The following HIC1 variants were observed in gnomAD, a reference collection of about 807,000 sequenced individuals.
HIC1 encodes HIC ZBTB transcriptional repressor 1, also known as hypermethylated in cancer 1 protein.
HIC1 carries 9 observed loss-of-function variants against 26.4 expected under a neutral mutation model. That is an observed-to-expected ratio of 0.34 (90% confidence interval 0.21 to 0.59). The LOEUF is 0.59. Ranked by LOEUF, HIC1 falls within the 20% of genes least tolerant of loss-of-function variation. HIC1 has a pLI of 0.82. For missense variants in HIC1, 965 were observed against 1,075.7 expected, an observed-to-expected ratio of 0.90 and a Z score of 1.44; for synonymous variants, 631 against 523.1, an observed-to-expected ratio of 1.21 and a Z score of -2.81.
In HIC1 at chr17:2,059,128, G is replaced by A; in HGVS notation, c.*293G>A. ...CTCCCGCCTCTTCCTGTGGTTCGTC[G>A]GCCCCCTCCCCCGGCTCCGCGCTGC... On this transcript the variant is annotated 3_prime_UTR_variant, in exon 2 of 2. Transcript: ENST00000619757. The A allele has an allele frequency of 2.9e-6, 1 of 345,412 alleles. No homozygotes were observed. 21.4% of individuals were successfully genotyped at this position (345,412 alleles called of 1,614,324 possible).
Position 2,056,909 on chromosome 17 carries a change from C to T in HIC1, c.219C>T (p.Ala73=). 2 of 1,612,642 alleles carry T rather than the reference C, an allele frequency of 1.2e-6. No individual in the cohort carries two copies. The highest frequency in any genetic ancestry group is 1.1e-5 in the South Asian group (1 of 91,038). ...TGGACCATGACATGGTGAGCCCGGC[C>T]GTGTTCCGCCTGGTGCTGGACTTCA... is the stretch of plus-strand genomic sequence containing the variant. ...LNLDHDMVSP[A]VFRLVLDFIY... The change falls in exon 2 of 2, where the codon GCC becomes GCT. Residue 73 remains alanine (A), a synonymous_variant. Coordinates refer to ENST00000619757, the MANE Select transcript of HIC1 (RefSeq NM_006497.4).
intron 1 of HIC1, chr17:2,056,105 G>A (rs540294654): frequency 2.1e-5 from 5 of 242,406 alleles, no homozygotes; most frequent in African/African-American, 4.7e-5. Flanking sequence ...TGCCCGCCAC[G>A]GCAGCCGCTG....
In HIC1 at chr17:2,057,868, C is replaced by T. The variant is rs765947575; in HGVS notation, c.1178C>T (p.Pro393Leu). Residue 393 changes from proline (P) to leucine (L), a missense_variant, in exon 2 of 2, where the codon CCT becomes CTT. Physicochemically the swap from Pro to Leu is moderately conservative, Grantham distance 98. This residue lies in a region of HIC1 where 526 missense variants were observed against 525.0 expected (regional missense o/e 1.00). Transcript: ENST00000619757. Reference sequence around the variant, plus strand: ...GGTAGCAGCGAGGACCCCAGCCCGCCTGGCGGCCACCTCGAGGGCTACCCA... The same window carrying T: ...GGTAGCAGCGAGGACCCCAGCCCGCTTGGCGGCCACCTCGAGGGCTACCCA... ...ETGSSEDPSP[P>L]GGHLEGYPCP... 1.3e-6 allele frequency: 2 copies of T among 1,595,320 alleles called. No individual in the cohort carries two copies. The highest frequency in any genetic ancestry group is 1.1e-5 in the South Asian group (1 of 88,834).
Position 2,058,586 on chromosome 17 carries a change from T to C in HIC1, c.1896T>C (p.Ala632=). The C allele has an allele frequency of 6.4e-7, 1 of 1,556,866 alleles. No homozygotes were observed. The highest frequency in any genetic ancestry group is 1.9e-5 in the Admixed American group (1 of 52,382). ...TCGACTTCCCCGAGGGCGTCTTTGC[T>C]GTGGCTCGCCTCACGGCCGAGCAGC... ...GKLDFPEGVF[A]VARLTAEQLS... Residue 632 remains alanine, a synonymous_variant, in exon 2 of 2, where the codon GCT becomes GCC. Coordinates refer to ENST00000619757, the MANE Select transcript of HIC1 (RefSeq NM_006497.4).
In HIC1 at chr17:2,061,495, G is replaced by C; in HGVS notation, c.*2660G>C. 1 of 1,567,410 alleles carries C rather than the reference G, an allele frequency of 6.4e-7. No individual in the cohort carries two copies. Among genetic ancestry groups the C allele is most frequent in the South Asian group, 1.2e-5 (1 of 85,970 alleles). On this transcript the variant is annotated 3_prime_UTR_variant, in exon 2 of 2. Coordinates refer to ENST00000619757, the MANE Select transcript of HIC1 (RefSeq NM_006497.4). The stretch of plus-strand genomic sequence containing the variant: ...GGGGGGCCCCAGTGTGGCTCCCTCA[G>C]CCCACCTGGGCCCACGTGAGGAAGG...
Position 2,056,005 on chromosome 17 carries a change from G to A in HIC1, c.-20-666G>A, listed in dbSNP as rs867945747. ...GCCCCCTCCCTCCCCTGGGAGCTGC[G>A]TGGCTCCCCCCTCCCCCCCACCTGC... On this transcript the variant is annotated intron_variant, in intron 1 of 1. Coordinates refer to ENST00000619757, the MANE Select transcript of HIC1 (RefSeq NM_006497.4). Among the ~76,000 whole-genome samples, 50 of 134,570 alleles carry A rather than the reference G, an allele frequency of 3.7e-4. 1 individual carries two copies. In the Middle Eastern group the frequency reaches 0.016, roughly 42 times the overall value. 88.3% of individuals were successfully genotyped at this position (134,570 alleles called of 152,430 possible). A position where few individuals can be genotyped will look rare whatever the true frequency, so the allele number is the denominator to read the frequency against.
rs1438998399 is a variant in HIC1 at position 2,056,980 on chromosome 17, CGGCCGT to C, written c.295_300del (p.Val99_Ala100del). The C allele has an allele frequency of 8.3e-6, 13 of 1,569,844 alleles. No homozygotes were observed. The highest frequency in any genetic ancestry group is 4.6e-5 in the South Asian group (4 of 86,414). ...GACGGCGCAGAGGCGGCTGCGGCCG[CGGCCGT>C]GGCCCCGGGGGCTGAGCCGAGCCTG... On this transcript the variant is annotated inframe_deletion, in exon 2 of 2. Transcript: ENST00000619757.
chr17:2,058,098 G>C lies in HIC1; in HGVS notation c.1408G>C (p.Gly470Arg), dbSNP rs764969310. 2 of 1,592,504 alleles carry C rather than the reference G, an allele frequency of 1.3e-6. No homozygotes were observed. The highest frequency in any genetic ancestry group is 2.7e-5 in the African/African-American group (2 of 74,568). ...CGGCCTAGGGCCCCCTTTTGGAGGC[G>C]GCGGGGACAAGGTCGCCGGGGCTCC... is the stretch of plus-strand genomic sequence containing the variant. ...AAGLGPPFGGGGDKVAGAPGG... is the reference protein window; with the variant it reads ...AAGLGPPFGGRGDKVAGAPGG... Residue 470 changes from glycine to arginine, a missense_variant, in exon 2 of 2, where the codon GGC (glycine) becomes CGC (arginine). Coordinates refer to ENST00000619757, the MANE Select transcript of HIC1 (RefSeq NM_006497.4).
rs1406410577 is a variant in HIC1, at chr17:2,059,192, A to G, written c.*357A>G. ...GGGGTGTCACTGTCGGGGCACTCCT[A>G]GCCCTACCTCCGGCCCTTGCGACCA... On this transcript the variant is annotated 3_prime_UTR_variant, in exon 2 of 2. Coordinates refer to ENST00000619757, the MANE Select transcript of HIC1 (RefSeq NM_006497.4). The G allele has an allele frequency of 8.5e-6, 2 of 236,606 alleles. No individual in the cohort carries two copies. The highest frequency in any genetic ancestry group is 1.8e-5 in the Non-Finnish European group (2 of 113,988). 14.7% of individuals were successfully genotyped at this position (236,606 alleles called of 1,614,324 possible). A position where few individuals can be genotyped will look rare whatever the true frequency, so the allele number is the denominator to read the frequency against.
Position 2,061,386 on chromosome 17 carries a change from T to C in HIC1, c.*2551T>C. 8.8e-7 allele frequency: 1 copy of C among 1,131,842 alleles called. No homozygotes were observed. Among genetic ancestry groups the C allele is most frequent in the Non-Finnish European group, 1.2e-6 (1 of 802,984 alleles). The allele number at this position is 1,131,842 out of a possible 1,614,324, so 70.1% of individuals were successfully genotyped here. A position where few individuals can be genotyped will look rare whatever the true frequency, so the allele number is the denominator to read the frequency against. Reference sequence around the variant, plus strand: ...GGTTGGAAGAGGATGGTTTATTGTCTGGGTGGATTGGTGGCTCAGGCACGT... The same window carrying C: ...GGTTGGAAGAGGATGGTTTATTGTCCGGGTGGATTGGTGGCTCAGGCACGT... On this transcript the variant is annotated 3_prime_UTR_variant, in exon 2 of 2. Transcript: ENST00000619757.
chr17:2,058,741 T>A lies in HIC1; in HGVS notation c.2051T>A (p.Leu684His). The A allele has an allele frequency of 6.5e-7, 1 of 1,529,320 alleles. No individual in the cohort carries two copies. Among genetic ancestry groups the A allele is most frequent in the Non-Finnish European group, 8.8e-7 (1 of 1,142,338 alleles). The allele number at this position is 1,529,320 out of a possible 1,614,324, so 94.7% of individuals were successfully genotyped here. ...GCCAAGTTCACGGCCGAGCTGGGCC[T>A]CAGCCCCGACAAGGCGGCCGAGGTG... Reference protein sequence around the residue: ...PLAKFTAELGLSPDKAAEVLS... With the variant: ...PLAKFTAELGHSPDKAAEVLS... Residue 684 changes from leucine to histidine, a missense_variant, in exon 2 of 2, where the codon CTC becomes CAC. Physicochemically the swap from Leu to His is moderately conservative, Grantham distance 99. This residue lies in a region of HIC1 where 210 missense variants were observed against 179.2 expected (regional missense o/e 1.17). Transcript: ENST00000619757.
In HIC1 at chr17:2,056,987, G is replaced by C; in HGVS notation, c.297G>C (p.Val99=). ...DGAEAAAAAA[V]APGAEPSLGA... ...CAGAGGCGGCTGCGGCCGCGGCCGT[G>C]GCCCCGGGGGCTGAGCCGAGCCTGG... is the stretch of plus-strand genomic sequence containing the variant. The change falls in exon 2 of 2, where the codon GTG becomes GTC. Residue 99 remains valine (V), a synonymous_variant. Transcript: ENST00000619757. 1.3e-6 allele frequency: 2 copies of C among 1,556,722 alleles called. No homozygotes were observed. Among genetic ancestry groups the C allele is most frequent in the African/African-American group, 1.4e-5 (1 of 71,454 alleles).
chr17:2,058,509 G>C lies in HIC1; in HGVS notation c.1819G>C (p.Ala607Pro), dbSNP rs764170963. Residue 607 changes from alanine (A) to proline (P), a missense_variant, in exon 2 of 2, where the codon GCG becomes CCG. Coordinates refer to ENST00000619757, the MANE Select transcript of HIC1 (RefSeq NM_006497.4). ...GGAAGAAGALAGLGGLPGVPG... is the reference protein window; with the variant it reads ...GGAAGAAGALPGLGGLPGVPG... The stretch of plus-strand genomic sequence containing the variant: ...CGCGGCCGGCGCGGCCGGGGCGCTG[G>C]CGGGCTTGGGGGGGCTCCCCGGCGT... 5 of 1,480,164 alleles carry C rather than the reference G, an allele frequency of 3.4e-6. No individual in the cohort carries two copies. The highest frequency in any genetic ancestry group is 4.4e-6 in the Non-Finnish European group (5 of 1,124,196). 91.7% of individuals were successfully genotyped at this position (1,480,164 alleles called of 1,614,324 possible).
chr17:2,057,736 G>A lies in HIC1; in HGVS notation c.1046G>A (p.Gly349Glu), dbSNP rs757948661. ...GGTGGGGACGCGGCCGTCTCGCCCG[G>A]GGGGCCCCCGCTCGGCCTGGCGCCG... Reference protein sequence around the residue: ...ERGGDAAVSPGGPPLGLAPPP... With the variant: ...ERGGDAAVSPEGPPLGLAPPP... The change falls in exon 2 of 2, where the codon GGG (glycine) becomes GAG (glutamate). Residue 349 changes from glycine (G) to glutamate (E), a missense_variant. Coordinates refer to ENST00000619757, the MANE Select transcript of HIC1 (RefSeq NM_006497.4). 3 of 1,395,464 alleles carry A rather than the reference G, an allele frequency of 2.1e-6. No individual in the cohort carries two copies. Among genetic ancestry groups the A allele is most frequent in the South Asian group, 1.6e-5 (1 of 63,378 alleles). 86.4% of individuals were successfully genotyped at this position (1,395,464 alleles called of 1,614,324 possible).
Position 2,057,305 on chromosome 17 carries a change from C to G in HIC1, c.615C>G (p.Gly205=), listed in dbSNP as rs1488775143. ...CCGAGCTGTACGCGTCGGGACCCGG[C>G]CCGGCCGCCGCACTCTGTGCCTCGG... ...HCAELYASGP[G]PAAALCASER... Residue 205 remains glycine (G), a synonymous_variant, in exon 2 of 2, where the codon GGC becomes GGG. Transcript: ENST00000619757. The G allele has an allele frequency of 2.7e-6, 4 of 1,497,924 alleles. No homozygotes were observed. The African/African-American group carries it at 5.8e-5, about 22-fold the overall frequency. The allele number at this position is 1,497,924 out of a possible 1,614,324, so 92.8% of individuals were successfully genotyped here. A position where few individuals can be genotyped will look rare whatever the true frequency, so the allele number is the denominator to read the frequency against.
In HIC1 at chr17:2,057,322, G is replaced by C; in HGVS notation, c.632G>C (p.Cys211Ser). 6.7e-7 allele frequency: 1 copy of C among 1,503,312 alleles called. No homozygotes were observed. The highest frequency in any genetic ancestry group is 8.8e-7 in the Non-Finnish European group (1 of 1,134,958). 93.1% of individuals were successfully genotyped at this position (1,503,312 alleles called of 1,614,324 possible). The change falls in exon 2 of 2, where the codon TGT becomes TCT. Residue 211 changes from cysteine to serine, a missense_variant. Transcript: ENST00000619757. ...GGACCCGGCCCGGCCGCCGCACTCT[G>C]TGCCTCGGAGCGCCGCTGCTCCCCT... is the stretch of plus-strand genomic sequence containing the variant. ...ASGPGPAAAL[C>S]ASERRCSPLC...
At position 2,061,251 on chromosome 17, in the gene HIC1, GC is replaced by G; in HGVS notation, c.*2418del. On this transcript the variant is annotated 3_prime_UTR_variant, in exon 2 of 2. Transcript: ENST00000619757. ...TGCCCAGCTGCTGTTGCTGTAGCCA[GC>G]CACCTCCCTGCTAAATCCTGGCAGC... 1 of 451,056 alleles carries G rather than the reference GC, an allele frequency of 2.2e-6. No homozygotes were observed. The highest frequency in any genetic ancestry group is 4.1e-6 in the Non-Finnish European group (1 of 245,934). The allele number at this position is 451,056 out of a possible 1,614,324, so 27.9% of individuals were successfully genotyped here. A position where few individuals can be genotyped will look rare whatever the true frequency, so the allele number is the denominator to read the frequency against.
In HIC1 at chr17:2,056,866, A is replaced by T; in HGVS notation, c.176A>T (p.His59Leu). 1 of 1,612,964 alleles carries T rather than the reference A, an allele frequency of 6.2e-7. No homozygotes were observed. Among genetic ancestry groups the T allele is most frequent in the Non-Finnish European group, 8.5e-7 (1 of 1,179,932 alleles). The change falls in exon 2 of 2, where the codon CAT becomes CTT. Residue 59 changes from histidine (H) to leucine (L), a missense_variant. This residue lies in a region of HIC1 where 64 missense variants were observed against 114.0 expected (regional missense o/e 0.56). Transcript: ENST00000619757. The stretch of plus-strand genomic sequence containing the variant: ...GCCTACCTCAAGTCCCTGGTGGTGC[A>T]TGACAACCTGCTCAACCTGGACCAT... Reference protein sequence around the residue: ...SSAYLKSLVVHDNLLNLDHDM... With the variant: ...SSAYLKSLVVLDNLLNLDHDM...
Position 2,057,608 on chromosome 17 carries a change from T to C in HIC1, c.918T>C (p.Pro306=), listed in dbSNP as rs568256736. ...AGCCCCCCGGCCGCCCCGACGGGCCTAGTCTCCTCTATCGCTGGATGAAGC... is the reference window on the plus strand; with the variant it reads ...AGCCCCCCGGCCGCCCCGACGGGCCCAGTCTCCTCTATCGCTGGATGAAGC... ...GPEPPGRPDG[P]SLLYRWMKHE... is the part of the protein sequence containing the mutation. The change falls in exon 2 of 2, where the codon CCT becomes CCC. Residue 306 remains proline (P), a synonymous_variant. Coordinates refer to ENST00000619757, the MANE Select transcript of HIC1 (RefSeq NM_006497.4). 213 of 1,510,760 alleles carry C rather than the reference T, an allele frequency of 1.4e-4. 3 individuals carry two copies. In the African/African-American group the frequency reaches 2.8e-3, roughly 20 times the overall value. The allele number at this position is 1,510,760 out of a possible 1,614,324, so 93.6% of individuals were successfully genotyped here.
Sources: gnomAD v4.1 joint callset for allele counts (sites outside exome capture counted in the v4.1 genomes callset) on GRCh38, gnomAD v4.1.1 for gene constraint, gnomAD v4.1.1 regional missense constraint, MANE v1.5 for transcripts, NCBI Gene and HGNC (gene_info 2026-07-23, HGNC 2026-07-21) for gene names.